SS18: variants seen among roughly 807,000 people sequenced by gnomAD.
SS18 encodes protein SSXT.
In SS18, 28 loss-of-function variants were observed where a neutral mutation model predicts 72.5. The ratio of observed to expected loss-of-function variants is 0.39; its 90% CI spans 0.29 to 0.53. The LOEUF (loss-of-function observed/expected upper bound fraction) is 0.53, where lower values mean the gene tolerates loss of function less well. Among genes scored for constraint, SS18 ranks in the 20% least tolerant of loss-of-function variants. The pLI is 0.76. For missense variants in SS18, 518 were observed against 535.3 expected (o/e 0.97, Z 0.32); for synonymous variants, 172 against 164.2 (o/e 1.05, Z -0.37).
rs76463590 is a variant in SS18, at chr18:26,020,650, C to G, written c.1231-2270G>C. On this transcript the variant is annotated intron_variant, in intron 10 of 10. Coordinates refer to ENST00000415083, the MANE Select transcript of SS18 (RefSeq NM_001007559.3). The stretch of plus-strand genomic sequence containing the variant: ...TCAAAAATGTGGAAAACAGAGAAGA[C>G]TCAGAAATTAAGGTATAATTACAAA... 4.3e-3 allele frequency among the ~76,000 whole-genome samples: 661 copies of G among 152,182 alleles called. 5 individuals carry two copies. Among genetic ancestry groups the G allele is most frequent in the African/African-American group, 0.014 (595 of 41,542 alleles).
At chr18:26,088,443 A>G (rs1052257110) in intron 1 of SS18, among the ~76,000 whole-genome samples, 1 of 152,208 alleles carries the variant, frequency 6.6e-6, no homozygotes, top group Non-Finnish European at 1.5e-5. Flanking sequence ...TAAACATAAT[A>G]ATTTCTATGC....
chr18:26,063,286 A>G (rs1042895724), intron 3 of SS18, among the ~76,000 whole-genome samples: 1 of 152,190 alleles, frequency 6.6e-6, no homozygotes, highest in African/African-American at 2.4e-5. Flanking sequence ...TTGGGAGGCC[A>G]AGGCGGGTGG....
intron 7 of SS18, among the ~76,000 whole-genome samples, chr18:26,037,132 T>C (rs2053639848): frequency 6.6e-6 from 1 of 152,110 alleles, no homozygotes; most frequent in African/African-American, 2.4e-5. Flanking sequence ...AAATGTCAGA[T>C]ATAAAGTAAT....
chr18:26,038,719 T>C (rs2053669165), intron 6 of SS18, 60 bp from the exon 7 acceptor site: 5 of 1,376,882 alleles, frequency 3.6e-6, no homozygotes, highest in Middle Eastern at 1.8e-4. Flanking sequence ...TCAAAGGCTT[T>C]CTTTCTAATT....
chr18:26,027,553 T>A (rs2143807949), intron 10 of SS18, among the ~76,000 whole-genome samples: 1 of 151,672 alleles, frequency 6.6e-6, no homozygotes, highest in East Asian at 1.9e-4. Context: ...ACACCTGTAG[T>A]CCTCGTTACT....
At chr18:26,039,976 G>T (rs75101433) in intron 5 of SS18, among the ~76,000 whole-genome samples, 1 of 152,156 alleles carries the variant, frequency 6.6e-6, no homozygotes, top group East Asian at 1.9e-4. Flanking sequence ...TACAAACACC[G>T]AATATAATTT....
In SS18 at chr18:26,016,987, T is replaced by C. The variant is rs1230245170; in HGVS notation, c.*1367A>G. 1.3e-5 allele frequency: 3 copies of C among 226,362 alleles called. No homozygotes were observed. The highest frequency in any genetic ancestry group is 2.6e-5 in the Non-Finnish European group (3 of 113,580). 14.0% of individuals were successfully genotyped at this position (226,362 alleles called of 1,614,324 possible). A position where few individuals can be genotyped will look rare whatever the true frequency, so the allele number is the denominator to read the frequency against. ...TGGGCATAGGCAACTGTGATGAAAA[T>C]AGCAACTTACCTTTGGGCTAGATGT... On this transcript the variant is annotated 3_prime_UTR_variant, in exon 11 of 11. Transcript: ENST00000415083.
chr18:26,045,923 C>A (rs2053811977), intron 5 of SS18, among the ~76,000 whole-genome samples: 1 of 151,986 alleles, frequency 6.6e-6, no homozygotes, highest in African/African-American at 2.4e-5. Context: ...TGGCTCACGC[C>A]TGTATGTACT....
chr18:26,080,489 A>G, intron 2 of SS18: 2 of 434,554 alleles, frequency 4.6e-6, no homozygotes, highest in Middle Eastern at 1.2e-3. Flanking sequence ...AACTACTATT[A>G]CATCTAATCT....
intron 5 of SS18, among the ~76,000 whole-genome samples, chr18:26,041,988 T>A (rs1006826054): frequency 6.6e-6 from 1 of 152,052 alleles, no homozygotes; most frequent in African/African-American, 2.4e-5. Context: ...GAGAATGCAG[T>A]CAGCTAACAC....
At chr18:26,079,482 G>GT (rs2054478327) in intron 2 of SS18, among the ~76,000 whole-genome samples, 1 of 152,048 alleles carries the variant, frequency 6.6e-6, no homozygotes, top group South Asian at 2.1e-4. Context: ...ATAAAAATAA[G>GT]TTTTTTCAGC....
At chr18:26,018,485 G>T in intron 10 of SS18, 105 bp from the exon 11 acceptor site, 1 of 908,852 alleles carries the variant, frequency 1.1e-6, no homozygotes, top group Non-Finnish European at 1.6e-6. Context: ...CAAAAAAGCA[G>T]CCGTACCTAC....
At position 26,038,618 on chromosome 18, in the gene SS18, C is replaced by T; in HGVS notation, c.817G>A (p.Asp273Asn). 6.2e-7 allele frequency: 1 copy of T among 1,613,542 alleles called. No homozygotes were observed. Residue 273 changes from aspartate (D) to asparagine (N), a missense_variant, in exon 7 of 11, where the codon GAC (aspartate) becomes AAC (asparagine). Physicochemically the swap from Asp to Asn is conservative, Grantham distance 23. Transcript: ENST00000415083. The stretch of plus-strand genomic sequence containing the variant: ...CCTTGTCCACCATGACTGTATTGGT[C>T]CCCGTAATAGTCTTCCTGGCCTGAG... Reference protein sequence around the residue: ...QYSGQEDYYGDQYSHGGQGPP... With the variant: ...QYSGQEDYYGNQYSHGGQGPP...
intron 5 of SS18, among the ~76,000 whole-genome samples, chr18:26,044,446 C>T (rs1418052744): frequency 1.3e-5 from 2 of 151,544 alleles, no homozygotes; most frequent in East Asian, 3.9e-4. Flanking sequence ...GCCTCAGCCA[C>T]CCGAGAAGCT....
intron 4 of SS18, 48 bp from the exon 5 acceptor site, chr18:26,052,893 G>A (rs1310967842): frequency 7.2e-6 from 11 of 1,522,936 alleles, no homozygotes; most frequent in Non-Finnish European, 1.0e-5. Context: ...TAAACAGATG[G>A]TCCATACAAA....
chr18:26,028,017 AC>A (rs137862314), intron 10 of SS18, among the ~76,000 whole-genome samples: 8,907 of 152,148 alleles, frequency 0.059, 763 homozygotes, highest in African/African-American at 0.19. Flanking sequence ...GAATGAAAAA[AC>A]AGACAGGATG....
At chr18:26,047,369 A>C (rs1444512396) in intron 5 of SS18, among the ~76,000 whole-genome samples, 1 of 151,958 alleles carries the variant, frequency 6.6e-6, no homozygotes, top group African/African-American at 2.4e-5. Context: ...CAGGCCTTTT[A>C]ATAGTCTAAT....
rs901842697 is a variant in SS18, at chr18:26,090,265, G to A, written c.69+236C>T. Reference sequence around the variant, plus strand: ...GAGAAATCAGGCGGCGGCTGTTTGGGCTTTTGTGTCTGTAGAAAAACGCGT... The same window carrying A: ...GAGAAATCAGGCGGCGGCTGTTTGGACTTTTGTGTCTGTAGAAAAACGCGT... On this transcript the variant is annotated intron_variant, in intron 1 of 10. Transcript: ENST00000415083. 14 of 552,416 alleles carry A rather than the reference G, an allele frequency of 2.5e-5. No homozygotes were observed. The African/African-American group carries it at 2.6e-4, about 10-fold the overall frequency. 34.2% of individuals were successfully genotyped at this position (552,416 alleles called of 1,614,324 possible).
intron 5 of SS18, among the ~76,000 whole-genome samples, chr18:26,045,628 T>C (rs978772907): frequency 1.3e-5 from 2 of 152,192 alleles, no homozygotes; most frequent in Non-Finnish European, 2.9e-5. Flanking sequence ...AACATTCATA[T>C]TGTTAGGAAC....
Sources: allele counts gnomAD v4.1 joint callset (sites outside exome capture counted in the v4.1 genomes callset), GRCh38; gene constraint gnomAD v4.1.1; transcripts MANE v1.5; gene names NCBI Gene and HGNC (gene_info 2026-07-23, HGNC 2026-07-21).